Variants in NPAS2 observed in about 807,000 individuals in gnomAD.
NPAS2 encodes neuronal PAS domain-containing protein 2.
In NPAS2, 23 loss-of-function variants were observed where a neutral mutation model predicts 107.5. That is an observed-to-expected ratio of 0.21 (90% CI 0.15 to 0.30). The LOEUF (loss-of-function observed/expected upper bound fraction) is 0.30, where lower values mean the gene tolerates loss of function less well. Among genes scored for constraint, NPAS2 ranks in the 10% least tolerant of loss-of-function variants. The probability of loss-of-function intolerance (pLI) is 1.00; values close to 1 mark genes in which losing one functional copy is unlikely to be tolerated. For missense variants in NPAS2, 756 were observed against 1,043.3 expected (o/e 0.72, Z 3.79); for synonymous variants, 403 against 417.5 (o/e 0.97, Z 0.42).
intron 5 of NPAS2, among the ~76,000 whole-genome samples, chr2:100,945,181 G>A (rs771448149): frequency 8.5e-5 from 13 of 152,180 alleles, no homozygotes; most frequent in Non-Finnish European, 1.3e-4. Flanking sequence ...AGACCGGTGC[G>A]TCCGAGCCAG....
intron 10 of NPAS2, among the ~76,000 whole-genome samples, chr2:100,967,873 T>C (rs1224888602): frequency 1.3e-5 from 2 of 152,182 alleles, no homozygotes; most frequent in African/African-American, 4.8e-5. Flanking sequence ...CGTCCAGAGG[T>C]TGCTGGCTGG....
chr2:100,949,879 G>A (rs184653196), intron 7 of NPAS2, among the ~76,000 whole-genome samples: 2 of 152,286 alleles, frequency 1.3e-5, no homozygotes, highest in African/African-American at 4.8e-5. Context: ...ACTGTCATGA[G>A]CGTATTTTAG....
chr2:100,888,402 G>C (rs191828834), intron 1 of NPAS2, among the ~76,000 whole-genome samples: 221 of 152,240 alleles, frequency 1.5e-3, no homozygotes, highest in African/African-American at 4.7e-3. Context: ...AGATGCGCTA[G>C]TAGGGTAGAA....
chr2:100,943,172 G>A (rs1159218676), intron 5 of NPAS2, among the ~76,000 whole-genome samples: 1 of 152,238 alleles, frequency 6.6e-6, no homozygotes, highest in Non-Finnish European at 1.5e-5. Context: ...GCACCAGCAA[G>A]GTGGAGACGT....
intron 5 of NPAS2, 32 bp from the exon 6 acceptor site, chr2:100,948,203 G>A (rs1298621347): frequency 6.2e-7 from 1 of 1,607,452 alleles, no homozygotes; most frequent in Non-Finnish European, 8.5e-7. Context: ...CTTCGTTGAG[G>A]GTGTACCTTT....
At chr2:100,946,429 G>A (rs1048301570) in intron 5 of NPAS2, among the ~76,000 whole-genome samples, 1 of 152,198 alleles carries the variant, frequency 6.6e-6, no homozygotes, top group African/African-American at 2.4e-5. Flanking sequence ...ACAGGGCTTC[G>A]TTAAACACAA....
At chr2:100,843,089 C>T (rs1056465804) in intron 1 of NPAS2, among the ~76,000 whole-genome samples, 8 of 151,990 alleles carry the variant, frequency 5.3e-5, no homozygotes, top group Non-Finnish European at 8.8e-5. Context: ...TGTGGTGGTG[C>T]ATGCCTGTAG....
At chr2:100,940,148 C>T (rs574572958) in intron 5 of NPAS2, among the ~76,000 whole-genome samples, 1 of 152,206 alleles carries the variant, frequency 6.6e-6, no homozygotes, top group Non-Finnish European at 1.5e-5. Context: ...AATCAGCATA[C>T]AGCTGGTTGG....
intron 19 of NPAS2, among the ~76,000 whole-genome samples, chr2:100,992,556 C>T (rs532891386): frequency 6.6e-6 from 1 of 152,214 alleles, no homozygotes; most frequent in African/African-American, 2.4e-5. Flanking sequence ...GCCCCTCCCC[C>T]TCGTTCTCGA....
intron 15 of NPAS2, among the ~76,000 whole-genome samples, chr2:100,978,217 C>T (rs188618113): frequency 5.3e-5 from 8 of 152,270 alleles, no homozygotes; most frequent in Non-Finnish European, 8.8e-5. Flanking sequence ...TTTGTGACCT[C>T]ATAGTTTAGC....
chr2:100,971,298 C>CAA (rs35040339), intron 12 of NPAS2, among the ~76,000 whole-genome samples: 20,620 of 102,304 alleles, frequency 0.2, 2,539 homozygotes, highest in African/African-American at 0.25. Context: ...GACTCTATCT[C>CAA]AAAAAAAAAA....
intron 2 of NPAS2, among the ~76,000 whole-genome samples, chr2:100,922,653 T>C (rs1683305391): frequency 6.6e-6 from 1 of 152,160 alleles, no homozygotes; most frequent in African/African-American, 2.4e-5. Flanking sequence ...TCCCAGTGTC[T>C]GTGTGTGGTG....
rs375591730 is a variant in NPAS2, at chr2:100,964,982, T to C, written c.800+39T>C. On this transcript the variant is annotated intron_variant, in intron 9 of 20. Coordinates refer to ENST00000335681, the MANE Select transcript of NPAS2 (RefSeq NM_002518.4). ...AAAACATATTTGGGTTGGGCCCTTC[T>C]CAAGTCTTGTTTGCGTGAGCCAGGC... 111 of 1,383,434 alleles carry C rather than the reference T, an allele frequency of 8.0e-5. No individual in the cohort carries two copies. The African/African-American group carries it at 1.5e-3, about 19-fold the overall frequency. The allele number at this position is 1,383,434 out of a possible 1,614,324, so 85.7% of individuals were successfully genotyped here.
At chr2:100,856,179 A>T (rs1678543507) in intron 1 of NPAS2, among the ~76,000 whole-genome samples, 1 of 152,254 alleles carries the variant, frequency 6.6e-6, no homozygotes. Flanking sequence ...AATTACAGGT[A>T]ACTCTCCCTG....
chr2:100,879,267 G>A (rs1335876890), intron 1 of NPAS2, among the ~76,000 whole-genome samples: 7 of 152,038 alleles, frequency 4.6e-5, no homozygotes, highest in Non-Finnish European at 7.4e-5. Context: ...ACGTATTACG[G>A]GATATGTATA....
chr2:100,921,086 C>G (rs1212651424), intron 2 of NPAS2, among the ~76,000 whole-genome samples: 1 of 152,128 alleles, frequency 6.6e-6, no homozygotes, highest in Non-Finnish European at 1.5e-5. Flanking sequence ...TTCTGTGTTC[C>G]CAGAACACTG....
Position 100,979,480 on chromosome 2 carries a change from C to CTATA in NPAS2, c.1482+1701_1482+1704dup, listed in dbSNP as rs201705535. 5.8e-3 allele frequency among the ~76,000 whole-genome samples: 378 copies of CTATA among 64,776 alleles called. 5 individuals carry two copies. Among genetic ancestry groups the CTATA allele is most frequent in the African/African-American group, 8.1e-3 (102 of 12,608 alleles). The allele number at this position is 64,776 out of a possible 152,430, so 42.5% of individuals were successfully genotyped here. On this transcript the variant is annotated intron_variant, in intron 15 of 20. Coordinates refer to ENST00000335681, the MANE Select transcript of NPAS2 (RefSeq NM_002518.4). ...TCATGTGTACTATATTTAATAATAA[C>CTATA]TATATATATATATATATATATATTT...
At chr2:100,967,109 G>GAATTACAT (rs1301753693) in intron 10 of NPAS2, among the ~76,000 whole-genome samples, 1 of 152,094 alleles carries the variant, frequency 6.6e-6, no homozygotes, top group Non-Finnish European at 1.5e-5. Flanking sequence ...CCGAAGTGAA[G>GAATTACAT]AATTACATTC....
intron 1 of NPAS2, among the ~76,000 whole-genome samples, chr2:100,890,704 C>T (rs959502317): frequency 6.6e-6 from 1 of 152,158 alleles, no homozygotes; most frequent in African/African-American, 2.4e-5. Context: ...GAGGATCCAA[C>T]ATCACAGATA....
Sources: gnomAD v4.1 joint callset for allele counts (sites outside exome capture counted in the v4.1 genomes callset) on GRCh38, gnomAD v4.1.1 for gene constraint, MANE v1.5 for transcripts, NCBI Gene and HGNC (gene_info 2026-07-23, HGNC 2026-07-21) for gene names.